STAM: variants seen among roughly 807,000 people sequenced by gnomAD.
The protein encoded by STAM is signal transducing adaptor molecule, also known as signal transducing adapter molecule 1.
In STAM, 16 loss-of-function variants were observed where a neutral mutation model predicts 63.4. The observed-to-expected ratio is 0.25, with a 90% CI of 0.17 to 0.38. The LOEUF is 0.38. STAM is among the 10% of genes least tolerant of loss of function. STAM has a pLI of 1.00. For synonymous variants in STAM, 238 were observed against 223.9 expected (o/e 1.06, Z -0.56); for missense variants, 636 against 657.1 (o/e 0.97, Z 0.35).
intron 1 of STAM, among the ~76,000 whole-genome samples, chr10:17,660,222 A>T (rs1445285435): frequency 6.6e-6 from 1 of 152,174 alleles, no homozygotes; most frequent in African/African-American, 2.4e-5. Flanking sequence ...ATAAAGAAAA[A>T]TCAATGCCTT....
intron 1 of STAM, among the ~76,000 whole-genome samples, chr10:17,645,132 T>C (rs1833470705): frequency 6.6e-6 from 1 of 152,220 alleles, no homozygotes; most frequent in African/African-American, 2.4e-5. Context: ...TAATTTTATT[T>C]TATTTTATTT....
At chr10:17,674,061 GGAT>G (rs1172249596) in intron 2 of STAM, among the ~76,000 whole-genome samples, 24 of 152,096 alleles carry the variant, frequency 1.6e-4, no homozygotes, top group African/African-American at 5.6e-4. Flanking sequence ...AGTGATCCAG[GGAT>G]GAGATTCATG....
chr10:17,654,768 T>C (rs993859238), intron 1 of STAM, among the ~76,000 whole-genome samples: 9 of 152,172 alleles, frequency 5.9e-5, no homozygotes, highest in Admixed American at 1.3e-4. Context: ...TACATATTGG[T>C]GATAGATTAA....
chr10:17,666,116 T>A (rs1191184967), intron 2 of STAM, among the ~76,000 whole-genome samples: 1 of 152,222 alleles, frequency 6.6e-6, no homozygotes, highest in Admixed American at 6.5e-5. Context: ...CAAGTTAAAA[T>A]TAAAGTTCTG....
At chr10:17,654,474 G>T (rs558975954) in intron 1 of STAM, among the ~76,000 whole-genome samples, 1 of 151,952 alleles carries the variant, frequency 6.6e-6, no homozygotes, top group Non-Finnish European at 1.5e-5. Flanking sequence ...CGCCCACCTC[G>T]GCCTCCCAAA....
intron 12 of STAM, 36 bp downstream of exon 12, chr10:17,705,777 C>G (rs1836236718): frequency 6.3e-7 from 1 of 1,594,122 alleles, no homozygotes; most frequent in Non-Finnish European, 8.5e-7. Context: ...TTTAAATTCT[C>G]AAATGCACAG....
Position 17,666,687 on chromosome 10 carries a change from C to G in STAM, c.125+6139C>G, listed in dbSNP as rs1022314506. Among the ~76,000 whole-genome samples, 9 of 152,186 alleles carry G rather than the reference C, an allele frequency of 5.9e-5. No individual in the cohort carries two copies. The South Asian group carries it at 1.9e-3, about 32-fold the overall frequency. On this transcript the variant is annotated intron_variant, in intron 2 of 13. Transcript: ENST00000377524. ...GCTGGGATTACAGGCATGAGCCACCCTGCCTGGCCTTTGGCTTTGTATTGT... is the reference window on the plus strand; with the variant it reads ...GCTGGGATTACAGGCATGAGCCACCGTGCCTGGCCTTTGGCTTTGTATTGT...
chr10:17,675,961 G>A (rs1181114495), intron 2 of STAM, among the ~76,000 whole-genome samples: 3 of 152,022 alleles, frequency 2.0e-5, no homozygotes, highest in African/African-American at 4.8e-5. Flanking sequence ...CTTCCAACAC[G>A]ATGAATGGGC....
At chr10:17,675,019 A>C (rs1371232014) in intron 2 of STAM, among the ~76,000 whole-genome samples, 1 of 152,148 alleles carries the variant, frequency 6.6e-6, no homozygotes, top group African/African-American at 2.4e-5. Context: ...CATGGAAAAA[A>C]TTGTTCTGTG....
At chr10:17,669,951 C>T (rs186566998) in intron 2 of STAM, among the ~76,000 whole-genome samples, 1 of 143,542 alleles carries the variant, frequency 7.0e-6, no homozygotes, top group Admixed American at 7.4e-5. Flanking sequence ...AGGATGGTCT[C>T]GATCTCCTGA....
chr10:17,663,077 A>C (rs1554823068), intron 2 of STAM, among the ~76,000 whole-genome samples: 1 of 150,398 alleles, frequency 6.6e-6, no homozygotes, highest in Admixed American at 6.7e-5. Context: ...CAAAAGGCAA[A>C]CCCCCTTTTA....
intron 8 of STAM, among the ~76,000 whole-genome samples, chr10:17,699,692 C>T (rs1163213617): frequency 2.0e-5 from 3 of 152,172 alleles, no homozygotes; most frequent in Non-Finnish European, 2.9e-5. Context: ...TAAACGCCTA[C>T]GTGGCACGCC....
chr10:17,681,265 C>A (rs1835076701), intron 2 of STAM, among the ~76,000 whole-genome samples: 1 of 150,154 alleles, frequency 6.7e-6, no homozygotes, highest in Non-Finnish European at 1.5e-5. Flanking sequence ...TTTACTACAC[C>A]CTTAAGTTTT....
chr10:17,696,918 T>G (rs781948611), intron 8 of STAM, 49 bp downstream of exon 8: 80 of 1,477,658 alleles, frequency 5.4e-5, no homozygotes, highest in Non-Finnish European at 6.9e-5. Flanking sequence ...AATCCTTTTC[T>G]TAATGGAAGT....
At chr10:17,698,708 CT>C (rs1835864703) in intron 8 of STAM, among the ~76,000 whole-genome samples, 1 of 151,944 alleles carries the variant, frequency 6.6e-6, no homozygotes, top group African/African-American at 2.4e-5. Context: ...TGTGAAATCC[CT>C]TTGTTATATA....
intron 13 of STAM, among the ~76,000 whole-genome samples, chr10:17,710,076 G>A (rs781866374): frequency 1.1e-4 from 16 of 151,634 alleles, no homozygotes; most frequent in Non-Finnish European, 2.2e-4. Flanking sequence ...GGGCTAGAAG[G>A]TAGGAATTGT....
At chr10:17,705,870 C>T in intron 12 of STAM, 129 bp downstream of exon 12, 1 of 776,286 alleles carries the variant, frequency 1.3e-6, no homozygotes, top group Non-Finnish European at 2.0e-6. Context: ...GAGTTTAAGA[C>T]CAGCCTGGGT....
chr10:17,655,269 A>C (rs1471233970), intron 1 of STAM, among the ~76,000 whole-genome samples: 3 of 152,204 alleles, frequency 2.0e-5, no homozygotes, highest in East Asian at 3.8e-4. Flanking sequence ...TATGTGTTCA[A>C]ATTTTATAAT....
At chr10:17,699,762 A>G (rs1322893664) in intron 8 of STAM, among the ~76,000 whole-genome samples, 2 of 152,194 alleles carry the variant, frequency 1.3e-5, no homozygotes, top group Non-Finnish European at 2.9e-5. Context: ...TTTTCTGTCA[A>G]ACCAGATTTT....
Sources: allele counts gnomAD v4.1 joint callset (sites outside exome capture counted in the v4.1 genomes callset), GRCh38; gene constraint gnomAD v4.1.1; transcripts MANE v1.5; gene names NCBI Gene and HGNC (gene_info 2026-07-23, HGNC 2026-07-21).